The following TRHDE variants were observed in gnomAD, a reference collection of about 807,000 sequenced individuals.
TRHDE encodes thyrotropin-releasing hormone-degrading ectoenzyme.
TRHDE carries 72 observed loss-of-function variants against 125.7 expected under a neutral mutation model. The observed-to-expected ratio is 0.57, with a 90% CI of 0.47 to 0.70. The LOEUF (loss-of-function observed/expected upper bound fraction) is 0.70, where lower values mean the gene tolerates loss of function less well. Ranked by LOEUF, TRHDE falls within the 30% of genes least tolerant of loss-of-function variation. The pLI is 0.00. For synonymous variants in TRHDE, 509 were observed against 509.1 expected (o/e 1.00, Z 0.00); for missense variants, 1,110 against 1,327.1 (o/e 0.84, Z 2.54).
At chr12:72,426,092 G>A (rs1035601175) in intron 3 of TRHDE, among the ~76,000 whole-genome samples, 2 of 152,068 alleles carry the variant, frequency 1.3e-5, no homozygotes, top group African/African-American at 2.4e-5. Context: ...TTATATACAA[G>A]TGACAATAGT....
Position 72,416,029 on chromosome 12 carries a change from G to A in TRHDE, c.1315+37908G>A, listed in dbSNP as rs12184496. 6.0e-3 allele frequency among the ~76,000 whole-genome samples: 908 copies of A among 151,840 alleles called. 5 individuals are homozygous for A. The highest frequency in any genetic ancestry group is 0.01 in the Non-Finnish European group (684 of 67,868). The stretch of plus-strand genomic sequence containing the variant: ...TGTATGAAGATTCCCCTTTCTCCAC[G>A]TCCTTGCCAGCATTTGTTATTGCCT... On this transcript the variant is annotated intron_variant, in intron 3 of 18. Transcript: ENST00000261180.
At chr12:72,091,966 C>T (rs1017305940) in intron 1 of TRHDE, among the ~76,000 whole-genome samples, 1 of 152,180 alleles carries the variant, frequency 6.6e-6, no homozygotes, top group Non-Finnish European at 1.5e-5. Flanking sequence ...CCCCTGGACC[C>T]TTTCCTTAAA....
chr12:72,542,423 T>A (rs1869200555), intron 7 of TRHDE, 67 bp downstream of exon 7: 5 of 1,353,882 alleles, frequency 3.7e-6, no homozygotes, highest in Non-Finnish European at 3.1e-6. Flanking sequence ...GCTTAGGAAA[T>A]GGCTAATACA....
intron 3 of TRHDE, among the ~76,000 whole-genome samples, chr12:72,463,974 G>A (rs925202245): frequency 6.6e-6 from 1 of 152,156 alleles, no homozygotes; most frequent in Admixed American, 6.5e-5. Context: ...GATGTTCTCA[G>A]GGCAATGGGC....
chr12:72,645,969 A>G (rs1210581790), intron 15 of TRHDE, among the ~76,000 whole-genome samples: 1 of 152,296 alleles, frequency 6.6e-6, no homozygotes, highest in South Asian at 2.1e-4. Flanking sequence ...GAAATGCTAA[A>G]GGAAATTCTT....
At chr12:72,248,365 C>T (rs1361921594) in intron 2 of TRHDE, among the ~76,000 whole-genome samples, 2 of 147,410 alleles carry the variant, frequency 1.4e-5, no homozygotes, top group African/African-American at 2.5e-5. Context: ...TTGCAGTGAG[C>T]CGAGATCGCG....
At chr12:72,427,048 T>C (rs928256589) in intron 3 of TRHDE, among the ~76,000 whole-genome samples, 4 of 152,252 alleles carry the variant, frequency 2.6e-5, no homozygotes, top group Middle Eastern at 3.4e-3. Context: ...TGGCAAATTA[T>C]ATTATCTGGG....
At chr12:72,519,101 G>T (rs1260193052) in intron 6 of TRHDE, among the ~76,000 whole-genome samples, 3 of 152,044 alleles carry the variant, frequency 2.0e-5, no homozygotes, top group Non-Finnish European at 2.9e-5. Context: ...TTTCAACTTT[G>T]GTGAATCTGA....
chr12:72,638,922 C>T (rs1227236294), intron 15 of TRHDE, among the ~76,000 whole-genome samples: 2 of 151,962 alleles, frequency 1.3e-5, no homozygotes, highest in African/African-American at 4.8e-5. Flanking sequence ...ACCTTCCTCT[C>T]TGGCTGCCCT....
intron 2 of TRHDE, among the ~76,000 whole-genome samples, chr12:72,149,720 T>C (rs1024955123): frequency 2.0e-5 from 3 of 152,094 alleles, no homozygotes; most frequent in African/African-American, 4.8e-5. Flanking sequence ...AAGAGAGCAA[T>C]TGCTAATATT....
rs762517438 is a variant in TRHDE, at chr12:72,562,955, G to A, written c.1957G>A (p.Ala653Thr). 11 of 1,610,152 alleles carry A rather than the reference G, an allele frequency of 6.8e-6. No homozygotes were observed. The highest frequency in any genetic ancestry group is 8.5e-6 in the Non-Finnish European group (10 of 1,177,876). ...PVITILGNTT[A>T]ENRIIITQQH... is the part of the protein sequence containing the mutation. ...TATCACCATCTTGGGAAACACAACA[G>A]CAGAAAATAGAATAATAATTACCCA... Residue 653 changes from alanine to threonine, a missense_variant, in exon 9 of 19, where the codon GCA becomes ACA. Transcript: ENST00000261180.
chr12:72,252,398 T>C (rs1878705012), intron 2 of TRHDE, among the ~76,000 whole-genome samples: 1 of 152,126 alleles, frequency 6.6e-6, no homozygotes, highest in Non-Finnish European at 1.5e-5. Context: ...CTTCCTTCAC[T>C]GAATTACTTC....
chr12:72,336,666 A>G (rs952929527), intron 2 of TRHDE, among the ~76,000 whole-genome samples: 2 of 152,184 alleles, frequency 1.3e-5, no homozygotes, highest in African/African-American at 4.8e-5. Flanking sequence ...GATGCCCAGT[A>G]TCTGGTGAGG....
Position 72,466,764 on chromosome 12 carries a change from A to G in TRHDE, c.1316-2994A>G, listed in dbSNP as rs528938911. On this transcript the variant is annotated intron_variant, in intron 3 of 18. Transcript: ENST00000261180. ...CAAGCTAGCCTCTACCATTATTCACATCTCAGATGAAATGTGACTACCTTA... is the reference window on the plus strand; with the variant it reads ...CAAGCTAGCCTCTACCATTATTCACGTCTCAGATGAAATGTGACTACCTTA... Among the ~76,000 whole-genome samples, 483 of 152,182 alleles carry G rather than the reference A, an allele frequency of 3.2e-3. 2 individuals carry two copies. The highest frequency in any genetic ancestry group is 0.011 in the African/African-American group (462 of 41,510).
At chr12:72,425,504 CAATT>C (rs1361875331) in intron 3 of TRHDE, among the ~76,000 whole-genome samples, 8 of 152,016 alleles carry the variant, frequency 5.3e-5, no homozygotes, top group Non-Finnish European at 1.0e-4. Flanking sequence ...GTTATCAAAT[CAATT>C]GAGTTTCCAT....
chr12:72,278,277 T>C (rs1271041651), intron 1 of TRHDE, among the ~76,000 whole-genome samples: 2 of 152,210 alleles, frequency 1.3e-5, no homozygotes, highest in Admixed American at 6.5e-5. Context: ...GATTTCCTTC[T>C]GTTTATGGCT....
intron 2 of TRHDE, among the ~76,000 whole-genome samples, chr12:72,127,758 A>G (rs1223244048): frequency 3.3e-5 from 5 of 152,128 alleles, no homozygotes; most frequent in Non-Finnish European, 5.9e-5. Context: ...TTATATTCCA[A>G]ACCCCTGCAT....
intron 6 of TRHDE, among the ~76,000 whole-genome samples, chr12:72,525,786 A>G (rs12422568): frequency 0.13 from 20,425 of 152,118 alleles, 1,451 homozygotes; most frequent in Middle Eastern, 0.24. Flanking sequence ...TTGCAGATCA[A>G]TACTTAAATT....
intron 13 of TRHDE, 39 bp from the exon 14 acceptor site, chr12:72,621,069 A>T: frequency 8.5e-7 from 1 of 1,180,788 alleles, no homozygotes; most frequent in Non-Finnish European, 1.2e-6. Context: ...CAGAAGTTTT[A>T]AACTGACCTT....
Sources: allele counts gnomAD v4.1 joint callset (sites outside exome capture counted in the v4.1 genomes callset), GRCh38; gene constraint gnomAD v4.1.1; transcripts MANE v1.5; gene names NCBI Gene and HGNC (gene_info 2026-07-23, HGNC 2026-07-21).